LRRFIP1: variants seen among roughly 807,000 people sequenced by gnomAD.
LRRFIP1 encodes the protein leucine-rich repeat flightless-interacting protein 1.
In LRRFIP1, 62 loss-of-function variants were observed where a neutral mutation model predicts 104.4. That is an observed-to-expected ratio of 0.59 (90% CI 0.48 to 0.73). The LOEUF is 0.73. Among genes scored for constraint, LRRFIP1 ranks in the 30% least tolerant of loss-of-function variants. The probability of loss-of-function intolerance (pLI) is 0.00; values close to 1 mark genes in which losing one functional copy is unlikely to be tolerated. For synonymous variants in LRRFIP1, 300 were observed against 299.0 expected (o/e 1.00, Z -0.03); for missense variants, 796 against 824.5 (o/e 0.97, Z 0.42).
At chr2:237,662,817 G>A (rs1415605443) in intron 1 of LRRFIP1, among the ~76,000 whole-genome samples, 1 of 152,030 alleles carries the variant, frequency 6.6e-6, no homozygotes, top group Non-Finnish European at 1.5e-5. Flanking sequence ...CAGGCCCGGT[G>A]GGGAAAGCAG....
rs1409016883 is a variant in LRRFIP1 at position 237,735,043 on chromosome 2, A to G, written c.490-225A>G. ...ATTTAAATGGTCTGTTGGAGATTAC[A>G]TTGCACACCTCCTGACAACGACTAA... On this transcript the variant is annotated intron_variant, in intron 9 of 23. Coordinates refer to ENST00000308482, the MANE Select transcript of LRRFIP1 (RefSeq NM_001137550.2). The surrounding 1 kb of genome is among the most constrained non-coding windows in gnomAD (Gnocchi z 4.6). Among the ~76,000 whole-genome samples the G allele has an allele frequency of 6.6e-6, 1 of 152,154 alleles. No individual in the cohort carries two copies. The highest frequency in any genetic ancestry group is 1.5e-5 in the Non-Finnish European group (1 of 68,040).
chr2:237,660,781 A>G (rs963380126), intron 1 of LRRFIP1, among the ~76,000 whole-genome samples: 2 of 152,252 alleles, frequency 1.3e-5, no homozygotes, highest in African/African-American at 2.4e-5. Flanking sequence ...GTTTAGCAAG[A>G]AAAGCTTCAA....
At chr2:237,743,810 G>A (rs145774808) in intron 11 of LRRFIP1, among the ~76,000 whole-genome samples, 11 of 152,058 alleles carry the variant, frequency 7.2e-5, no homozygotes, top group Non-Finnish European at 1.6e-4. Context: ...GAGGTTTGAC[G>A]GCCAGAGCTT....
chr2:237,734,273 CTTTTTTTTTTTTT>C (rs71870330), intron 9 of LRRFIP1, among the ~76,000 whole-genome samples: 1 of 90,216 alleles, frequency 1.1e-5, no homozygotes, highest in African/African-American at 5.3e-5. Context: ...TGTTAATAAC[CTTTTTTTTTTTTT>C]TTTTTTTTTT....
rs763535203 is a variant in LRRFIP1 at position 237,739,295 on chromosome 2, C to T, written c.619C>T (p.Arg207Trp). The change falls in exon 11 of 24, where the codon CGG (arginine) becomes TGG (tryptophan). Residue 207 changes from arginine to tryptophan, a missense_variant. Coordinates refer to ENST00000308482, the MANE Select transcript of LRRFIP1 (RefSeq NM_001137550.2). ...CGCCTCCTCCAGGGCCAGCTCGGCCCGGGCCAGCCCTGTGGTAAGTCGGCC... is the reference window on the plus strand; with the variant it reads ...CGCCTCCTCCAGGGCCAGCTCGGCCTGGGCCAGCCCTGTGGTAAGTCGGCC... ...SRASSRASSA[R>W]ASPVVEERPE... is the part of the protein sequence containing the mutation. 2.2e-4 allele frequency: 337 copies of T among 1,560,348 alleles called. No homozygotes were observed. The highest frequency in any genetic ancestry group is 1.2e-3 in the Middle Eastern group (7 of 6,008).
intron 14 of LRRFIP1, among the ~76,000 whole-genome samples, chr2:237,752,067 T>A (rs1460215867): frequency 6.6e-6 from 1 of 152,170 alleles, no homozygotes; most frequent in African/African-American, 2.4e-5. Flanking sequence ...CTGCCACCTT[T>A]CCTGAAAGGG....
chr2:237,628,675 T>G (rs2081938194), intron 1 of LRRFIP1, among the ~76,000 whole-genome samples: 1 of 152,212 alleles, frequency 6.6e-6, no homozygotes, highest in Admixed American at 6.5e-5. Context: ...CCTTACAGGT[T>G]CTTTTCCGTG....
chr2:237,674,009 CAT>C (rs765503394), intron 1 of LRRFIP1, among the ~76,000 whole-genome samples: 23 of 152,180 alleles, frequency 1.5e-4, no homozygotes, highest in Non-Finnish European at 2.4e-4. Context: ...CTCCTTTACA[CAT>C]GAGTCTGGGC....
At chr2:237,763,804 T>A in intron 19 of LRRFIP1, 1 of 1,614,166 alleles carries the variant, frequency 6.2e-7, no homozygotes, top group East Asian at 2.2e-5. Context: ...AAGAATTAGA[T>A]GAAGGTGTTG....
At chr2:237,635,959 T>C (rs2149277385) in intron 1 of LRRFIP1, among the ~76,000 whole-genome samples, 1 of 152,180 alleles carries the variant, frequency 6.6e-6, no homozygotes, top group African/African-American at 2.4e-5. Flanking sequence ...TAGCCAAGCA[T>C]GATGGCTTGT....
chr2:237,688,647 T>C (rs6754368), intron 1 of LRRFIP1, among the ~76,000 whole-genome samples: 6,288 of 151,892 alleles, frequency 0.041, 348 homozygotes, highest in African/African-American at 0.13. Context: ...TTAGTAGAGA[T>C]GGGGTTTTGT....
chr2:237,707,027 C>A (rs1178590070), intron 1 of LRRFIP1, among the ~76,000 whole-genome samples: 1 of 152,068 alleles, frequency 6.6e-6, no homozygotes, highest in African/African-American at 2.4e-5. Context: ...TTTTGACACC[C>A]CTTGATTTGA....
chr2:237,707,475 A>AG (rs397745216), intron 1 of LRRFIP1, among the ~76,000 whole-genome samples: 1 of 151,202 alleles, frequency 6.6e-6, no homozygotes, highest in Non-Finnish European at 1.5e-5. Context: ...AAAAAAAAAA[A>AG]GGAAGAAAAA....
Position 237,637,507 on chromosome 2 carries a change from T to C in LRRFIP1, c.96+9767T>C, listed in dbSNP as rs145986819. Among the ~76,000 whole-genome samples the C allele has an allele frequency of 5.5e-3, 832 of 152,292 alleles. 5 individuals are homozygous for C. Among genetic ancestry groups the C allele is most frequent in the African/African-American group, 0.018 (764 of 41,562 alleles). On this transcript the variant is annotated intron_variant, in intron 1 of 23. Transcript: ENST00000308482. ...AAGAAGACAAAAAGCAAAGGAATAATTCATTTATTTGCTTGGAAAGTTCTC... is the reference window on the plus strand; with the variant it reads ...AAGAAGACAAAAAGCAAAGGAATAACTCATTTATTTGCTTGGAAAGTTCTC...
Position 237,649,728 on chromosome 2 carries a change from G to A in LRRFIP1, c.96+21988G>A, listed in dbSNP as rs145331912. ...TCCCATCGCCTCCTCTCTCCCTGCC[G>A]CGGTTCGGAAGCTCCACGGGGGCCA... On this transcript the variant is annotated intron_variant, in intron 1 of 23. Transcript: ENST00000308482. The surrounding 1 kb of genome is among the most constrained non-coding windows in gnomAD (Gnocchi z 4.1). Among the ~76,000 whole-genome samples, 14 of 152,020 alleles carry A rather than the reference G, an allele frequency of 9.2e-5. No homozygotes were observed. Among genetic ancestry groups the A allele is most frequent in the South Asian group, 6.2e-4 (3 of 4,824 alleles).
rs1457617966 is a variant in LRRFIP1 at position 237,699,798 on chromosome 2, A to T, written c.97-8746A>T. On this transcript the variant is annotated intron_variant, in intron 1 of 23. Coordinates refer to ENST00000308482, the MANE Select transcript of LRRFIP1 (RefSeq NM_001137550.2). ...TTCTTCCCAATCTTTTTGACATCCC[A>T]GTCCCCCCAACATTTCCAAAATGCC... is the stretch of plus-strand genomic sequence containing the variant. Among the ~76,000 whole-genome samples the T allele has an allele frequency of 6.4e-5, 7 of 109,368 alleles. No homozygotes were observed. In the East Asian group the frequency reaches 2.0e-3, roughly 31 times the overall value. The allele number at this position is 109,368 out of a possible 152,430, so 71.7% of individuals were successfully genotyped here.
At chr2:237,772,595 C>A (rs2060744992) in intron 21 of LRRFIP1, 3 of 532,742 alleles carry the variant, frequency 5.6e-6, no homozygotes, top group South Asian at 5.2e-5. Context: ...CTTTTCCCTA[C>A]CCCCTACCAT....
intron 9 of LRRFIP1, among the ~76,000 whole-genome samples, chr2:237,734,061 T>C (rs903876307): frequency 6.6e-6 from 1 of 152,166 alleles, no homozygotes; most frequent in African/African-American, 2.4e-5. Flanking sequence ...TTGTGTTTGC[T>C]GGGATCGTTA....
chr2:237,708,927 G>A (rs1160682753), intron 2 of LRRFIP1: 24 of 526,172 alleles, frequency 4.6e-5, no homozygotes, highest in Non-Finnish European at 8.0e-5. Context: ...TGAGCTTTAA[G>A]GTCTAACTGT....
Sources: allele counts gnomAD v4.1 joint callset (sites outside exome capture counted in the v4.1 genomes callset), GRCh38; gene constraint gnomAD v4.1.1; non-coding constraint Gnocchi (gnomAD v3.1); transcripts MANE v1.5; gene names NCBI Gene and HGNC (gene_info 2026-07-23, HGNC 2026-07-21).